XXYLT1: variants seen among roughly 807,000 people sequenced by gnomAD.
XXYLT1 encodes the protein xyloside xylosyltransferase 1.
In XXYLT1, 20 loss-of-function variants were observed where a neutral mutation model predicts 28.9. The ratio of observed to expected loss-of-function variants is 0.69; its 90% CI spans 0.49 to 1.00. The LOEUF is 1.00. XXYLT1 is among the 50% of genes least tolerant of loss of function. The pLI, the probability that XXYLT1 is intolerant of heterozygous loss-of-function variation, is 0.00. For synonymous variants in XXYLT1, 257 were observed against 253.8 expected, an observed-to-expected ratio of 1.01 and a Z score of -0.12; for missense variants, 542 against 560.1, an observed-to-expected ratio of 0.97 and a Z score of 0.33.
intron 2 of XXYLT1, among the ~76,000 whole-genome samples, chr3:195,189,634 T>C (rs1467668120): frequency 6.6e-6 from 1 of 152,056 alleles, no homozygotes; most frequent in African/African-American, 2.4e-5. Context: ...AACTTGTACA[T>C]AGATTAAATA....
At chr3:195,147,921 T>C (rs1254260514) in intron 3 of XXYLT1, 2 of 152,186 alleles carry the variant, frequency 1.3e-5, no homozygotes, top group African/African-American at 4.8e-5. Flanking sequence ...AAAATACTCA[T>C]AATGTGCAGA....
intron 3 of XXYLT1, chr3:195,152,279 C>T (rs1720313548): frequency 6.6e-6 from 1 of 152,612 alleles, no homozygotes; most frequent in South Asian, 2.1e-4. Context: ...GCCCCTTATC[C>T]CAACTAAACA....
At chr3:195,096,965 AG>A (rs1212513693) in intron 3 of XXYLT1, among the ~76,000 whole-genome samples, 10 of 152,360 alleles carry the variant, frequency 6.6e-5, no homozygotes, top group African/African-American at 2.2e-4. Context: ...GAAAAACAAC[AG>A]GGGTGAAAAT....
chr3:195,184,784 G>A, intron 2 of XXYLT1: 1 of 985,410 alleles, frequency 1.0e-6, no homozygotes, highest in Non-Finnish European at 1.2e-6. Context: ...TCTGAAAGAA[G>A]TGACTACTTC....
At chr3:195,226,602 C>G (rs1228413782) in intron 2 of XXYLT1, 107 bp downstream of exon 2, 4 of 1,400,266 alleles carry the variant, frequency 2.9e-6, no homozygotes, top group Non-Finnish European at 3.9e-6. Context: ...CTTTCATGTT[C>G]AGTGGAGCTA....
intron 1 of XXYLT1, among the ~76,000 whole-genome samples, chr3:195,231,223 T>C (rs1724284878): frequency 6.6e-6 from 1 of 152,220 alleles, no homozygotes; most frequent in Non-Finnish European, 1.5e-5. Flanking sequence ...TGAATTTGTA[T>C]TCTGCAACTT....
At chr3:195,204,536 C>A (rs1722993190) in intron 2 of XXYLT1, among the ~76,000 whole-genome samples, 1 of 151,494 alleles carries the variant, frequency 6.6e-6, no homozygotes, top group African/African-American at 2.4e-5. Flanking sequence ...GTCTGAACTG[C>A]TGGCCAGCCA....
intron 1 of XXYLT1, among the ~76,000 whole-genome samples, chr3:195,258,903 GT>G (rs1310259457): frequency 6.6e-6 from 1 of 152,250 alleles, no homozygotes; most frequent in Non-Finnish European, 1.5e-5. Context: ...CCAGAAAGCT[GT>G]TTTGCAAGCT....
chr3:195,184,652 C>T, intron 2 of XXYLT1: 1 of 985,406 alleles, frequency 1.0e-6, no homozygotes, highest in Non-Finnish European at 1.2e-6. Context: ...AAGGTCTCTT[C>T]AGGACTCACC....
chr3:195,097,904 G>C lies in XXYLT1; in HGVS notation c.786-27793C>G, dbSNP rs541053394. Among the ~76,000 whole-genome samples, 5 of 152,198 alleles carry C rather than the reference G, an allele frequency of 3.3e-5. No individual in the cohort carries two copies. In the East Asian group the frequency reaches 9.6e-4, roughly 29 times the overall value. ...GTCTGGACAAAGAAAAGATGAGACT[G>C]GTGGAGGGGAACCGAGAAAGGCTCA... On this transcript the variant is annotated intron_variant, in intron 3 of 3. Transcript: ENST00000310380.
At chr3:195,202,069 C>T (rs1332017037) in intron 2 of XXYLT1, among the ~76,000 whole-genome samples, 2 of 146,582 alleles carry the variant, frequency 1.4e-5, no homozygotes, top group Non-Finnish European at 1.5e-5. Context: ...CCCAGCCACT[C>T]AGGAGGCTGA....
chr3:195,096,442 C>T (rs1349629316), intron 3 of XXYLT1, among the ~76,000 whole-genome samples: 1 of 152,228 alleles, frequency 6.6e-6, no homozygotes, highest in Non-Finnish European at 1.5e-5. Context: ...CCCATGTGCA[C>T]TTACATAATA....
At chr3:195,179,386 C>T (rs1426832616) in intron 2 of XXYLT1, among the ~76,000 whole-genome samples, 1 of 151,412 alleles carries the variant, frequency 6.6e-6, no homozygotes, top group Non-Finnish European at 1.5e-5. Flanking sequence ...TGGGATCGTA[C>T]CTCAGAGTTT....
rs1043013106 is a variant in XXYLT1 at position 195,173,483 on chromosome 3, C to T, written c.653-16902G>A. Among the ~76,000 whole-genome samples the T allele has an allele frequency of 2.6e-5, 4 of 152,158 alleles. No individual in the cohort carries two copies. The highest frequency in any genetic ancestry group is 5.9e-5 in the Non-Finnish European group (4 of 68,030). The stretch of plus-strand genomic sequence containing the variant: ...GGCGGAAGAACAGCTCCCAGCACAG[C>T]CTTGCTATGCACCTAAAAACGGACA... On this transcript the variant is annotated intron_variant, in intron 2 of 3. Transcript: ENST00000310380. The surrounding 1 kb of genome is among the most constrained non-coding windows in gnomAD (Gnocchi z 4.3).
rs1718525768 is a variant in XXYLT1 at position 195,124,652 on chromosome 3, C to T, written c.785+31797G>A. 6.6e-6 allele frequency among the ~76,000 whole-genome samples: 1 copy of T among 152,176 alleles called. No individual in the cohort carries two copies. The stretch of plus-strand genomic sequence containing the variant: ...TGACAGACTGATAAACTAATGAGCA[C>T]ATGCCTTACTGTCAACTTCCAAAAA... On this transcript the variant is annotated intron_variant, in intron 3 of 3. Coordinates refer to ENST00000310380, the MANE Select transcript of XXYLT1 (RefSeq NM_152531.5). The surrounding 1 kb of genome is among the most constrained non-coding windows in gnomAD (Gnocchi z 4.1).
intron 3 of XXYLT1, among the ~76,000 whole-genome samples, chr3:195,141,677 A>G (rs144981898): frequency 1.3e-5 from 2 of 152,310 alleles, no homozygotes; most frequent in Non-Finnish European, 2.9e-5. Context: ...AGCAAATCTC[A>G]GAACCCTTGC....
chr3:195,235,903 CATAGACATAGACATAG>C (rs1724517979), intron 1 of XXYLT1, among the ~76,000 whole-genome samples: 2 of 112,690 alleles, frequency 1.8e-5, no homozygotes, highest in African/African-American at 1.1e-4. Context: ...TAGACATAGA[CATAGACATAGACATAG>C]ACATAGACAT....
chr3:195,237,799 T>C (rs1724616743), intron 1 of XXYLT1, among the ~76,000 whole-genome samples: 1 of 152,188 alleles, frequency 6.6e-6, no homozygotes, highest in African/African-American at 2.4e-5. Context: ...CTTTTCTGGC[T>C]ACTGGTTTGT....
At chr3:195,110,471 A>AT (rs1560101136) in intron 3 of XXYLT1, among the ~76,000 whole-genome samples, 1 of 20,026 alleles carries the variant, frequency 5.0e-5, no homozygotes, top group Non-Finnish European at 1.1e-4. Context: ...TGTGTGGGTG[A>AT]GGTGTGTGTG....
Sources: allele counts gnomAD v4.1 joint callset (sites outside exome capture counted in the v4.1 genomes callset), GRCh38; gene constraint gnomAD v4.1.1; non-coding constraint Gnocchi (gnomAD v3.1); transcripts MANE v1.5; gene names NCBI Gene and HGNC (gene_info 2026-07-23, HGNC 2026-07-21).